SLC8A1: variants seen among roughly 807,000 people sequenced by gnomAD.
SLC8A1 encodes solute carrier family 8 member A1, also known as sodium/calcium exchanger 1.
SLC8A1 carries 18 observed loss-of-function variants against 68.3 expected under a neutral mutation model. The observed-to-expected ratio is 0.26, with a 90% confidence interval of 0.18 to 0.39. The LOEUF (loss-of-function observed/expected upper bound fraction) is 0.39, where lower values mean the gene tolerates loss of function less well. SLC8A1 is among the 10% of genes least tolerant of loss of function. The probability of loss-of-function intolerance (pLI) is 1.00; values close to 1 mark genes in which losing one functional copy is unlikely to be tolerated. For synonymous variants in SLC8A1, 475 were observed against 415.5 expected, an observed-to-expected ratio of 1.14 and a Z score of -1.74; for missense variants, 985 against 1,156.7, an observed-to-expected ratio of 0.85 and a Z score of 2.15.
intron 6 of SLC8A1, among the ~76,000 whole-genome samples, chr2:40,157,286 G>A (rs956460591): frequency 2.9e-4 from 44 of 152,158 alleles, no homozygotes; most frequent in African/African-American, 9.7e-4. Flanking sequence ...TATGAATAAA[G>A]CAGTTATCTC....
chr2:40,467,908 T>C (rs1437051218), intron 1 of SLC8A1, among the ~76,000 whole-genome samples: 1 of 152,156 alleles, frequency 6.6e-6, no homozygotes, highest in African/African-American at 2.4e-5. Flanking sequence ...AGACTGCATA[T>C]AAATAAGCCA....
intron 2 of SLC8A1, among the ~76,000 whole-genome samples, chr2:40,209,635 C>G (rs1036318220): frequency 1.3e-5 from 2 of 152,072 alleles, no homozygotes; most frequent in African/African-American, 2.4e-5. Flanking sequence ...CTGTGGTTCC[C>G]GGCAAAGGAT....
chr2:40,134,977 C>T (rs747660041), intron 7 of SLC8A1, among the ~76,000 whole-genome samples: 3 of 152,128 alleles, frequency 2.0e-5, no homozygotes, highest in Non-Finnish European at 4.4e-5. Context: ...TATGAAAGGA[C>T]TCTTTAAAGA....
chr2:40,435,844 C>T (rs964458645), intron 1 of SLC8A1, among the ~76,000 whole-genome samples: 15 of 152,124 alleles, frequency 9.9e-5, no homozygotes, highest in Admixed American at 2.6e-4. Context: ...GGTATGAACT[C>T]GGCTCACTGC....
exon 8 of SLC8A1, chr2:40,113,409 C>G (rs1360676272): frequency 1.3e-5 from 2 of 152,644 alleles, no homozygotes; most frequent in African/African-American, 4.8e-5. Context: ...TATCCATGTT[C>G]TTTGGTATTT....
chr2:40,459,549 A>C (rs1166368873), intron 1 of SLC8A1, among the ~76,000 whole-genome samples: 1 of 152,222 alleles, frequency 6.6e-6, no homozygotes, highest in African/African-American at 2.4e-5. Flanking sequence ...TGTTTCAAAA[A>C]GACAGACTGC....
At chr2:40,250,928 A>G (rs2062644123) in intron 2 of SLC8A1, 1 of 152,210 alleles carries the variant, frequency 6.6e-6, no homozygotes, top group Non-Finnish European at 1.5e-5. Flanking sequence ...TTTGATGATT[A>G]TTCTGGCTTT....
chr2:40,387,569 G>A (rs992365722), intron 2 of SLC8A1, among the ~76,000 whole-genome samples: 1 of 151,334 alleles, frequency 6.6e-6, no homozygotes, highest in Admixed American at 6.6e-5. Flanking sequence ...CATCCTAGAC[G>A]TTATAGCTAT....
chr2:40,458,831 G>C (rs1294129965), intron 1 of SLC8A1, among the ~76,000 whole-genome samples: 1 of 152,106 alleles, frequency 6.6e-6, no homozygotes, highest in African/African-American at 2.4e-5. Flanking sequence ...TAGGCATGGG[G>C]TTTATAAGCA....
chr2:40,464,441 C>G (rs532483906), intron 1 of SLC8A1, among the ~76,000 whole-genome samples: 1 of 152,326 alleles, frequency 6.6e-6, no homozygotes, highest in East Asian at 1.9e-4. Context: ...ACTGTGCACT[C>G]TATTAGGAGT....
intron 1 of SLC8A1, among the ~76,000 whole-genome samples, chr2:40,492,123 A>C (rs2149925168): frequency 6.6e-6 from 1 of 152,254 alleles, no homozygotes; most frequent in African/African-American, 2.4e-5. Context: ...CCAAAACAGC[A>C]TGGTACTGGT....
chr2:40,307,166 CACACAAACACAT>C (rs895316444), intron 2 of SLC8A1, among the ~76,000 whole-genome samples: 2 of 151,188 alleles, frequency 1.3e-5, no homozygotes, highest in Non-Finnish European at 2.9e-5. Flanking sequence ...CACACACACA[CACACAAACACAT>C]ACACACACAC....
intron 2 of SLC8A1, among the ~76,000 whole-genome samples, chr2:40,323,251 T>A (rs1230275114): frequency 6.6e-6 from 1 of 152,168 alleles, no homozygotes; most frequent in Non-Finnish European, 1.5e-5. Context: ...GTTTCCTTGA[T>A]AAATAATCAT....
At chr2:40,473,402 C>T (rs532892726) in intron 1 of SLC8A1, among the ~76,000 whole-genome samples, 107 of 152,256 alleles carry the variant, frequency 7.0e-4, no homozygotes, top group African/African-American at 2.4e-3. Flanking sequence ...ATCTCCTCCT[C>T]TCCATCTCAA....
intron 1 of SLC8A1, among the ~76,000 whole-genome samples, chr2:40,434,547 G>A (rs954732853): frequency 6.6e-6 from 1 of 152,066 alleles, no homozygotes; most frequent in Non-Finnish European, 1.5e-5. Context: ...AGAAAGATAA[G>A]AATAGAGACT....
chr2:40,416,475 T>C (rs1006467577), intron 2 of SLC8A1, among the ~76,000 whole-genome samples: 17 of 152,304 alleles, frequency 1.1e-4, no homozygotes, highest in Admixed American at 3.9e-4. Context: ...CAAAAAAATA[T>C]CATTTCCTCA....
At chr2:40,357,787 T>C (rs1355560521) in intron 2 of SLC8A1, among the ~76,000 whole-genome samples, 1 of 152,184 alleles carries the variant, frequency 6.6e-6, no homozygotes, top group African/African-American at 2.4e-5. Flanking sequence ...CCCTAGCTTA[T>C]ACGACATTCC....
intron 1 of SLC8A1, among the ~76,000 whole-genome samples, chr2:40,475,101 G>A (rs1704201384): frequency 6.6e-6 from 1 of 152,036 alleles, no homozygotes; most frequent in African/African-American, 2.4e-5. Context: ...CAAAACTTGT[G>A]AACTTCTTTC....
chr2:40,149,602 G>A (rs1573182672), intron 6 of SLC8A1, among the ~76,000 whole-genome samples: 2 of 152,170 alleles, frequency 1.3e-5, no homozygotes, highest in East Asian at 3.8e-4. Flanking sequence ...AGCTTTGGGA[G>A]GCAAGTGTGA....
Sources: allele counts gnomAD v4.1 joint callset (sites outside exome capture counted in the v4.1 genomes callset), GRCh38; gene constraint gnomAD v4.1.1; transcripts MANE v1.5; gene names NCBI Gene and HGNC (gene_info 2026-07-23, HGNC 2026-07-21).